SOS2: variants seen among roughly 807,000 people sequenced by gnomAD.
SOS2 encodes the protein SOS Ras/Rho guanine nucleotide exchange factor 2, also known as son of sevenless homolog 2.
Under a neutral mutation model 148.2 loss-of-function variants are expected in SOS2, and 65 were observed. That is an observed-to-expected ratio of 0.44 (90% CI 0.36 to 0.54). The LOEUF is 0.54. SOS2 is among the 20% of genes least tolerant of loss of function. The probability of loss-of-function intolerance (pLI) is 0.00; values close to 1 mark genes in which losing one functional copy is unlikely to be tolerated. For missense variants in SOS2, 1,341 were observed against 1,590.2 expected, an observed-to-expected ratio of 0.84 and a Z score of 2.67; for synonymous variants, 539 against 537.1, an observed-to-expected ratio of 1.00 and a Z score of -0.05.
intron 4 of SOS2, among the ~76,000 whole-genome samples, chr14:50,198,217 C>T (rs755193412): frequency 2.0e-5 from 3 of 151,930 alleles, no homozygotes; most frequent in Non-Finnish European, 4.4e-5. Context: ...GTCAGTCATA[C>T]TGTGGTAATG....
chr14:50,219,879 A>T (rs1416617057), intron 1 of SOS2, among the ~76,000 whole-genome samples: 2 of 151,872 alleles, frequency 1.3e-5, no homozygotes, highest in African/African-American at 4.8e-5. Context: ...TGGAGACAGA[A>T]TCTTGCTCTG....
At chr14:50,167,106 C>T (rs1885193283) in intron 8 of SOS2, among the ~76,000 whole-genome samples, 1 of 151,640 alleles carries the variant, frequency 6.6e-6, no homozygotes, top group South Asian at 2.1e-4. Context: ...TCTTTACGTG[C>T]TTTTTTAAAA....
intron 13 of SOS2, among the ~76,000 whole-genome samples, chr14:50,151,878 C>T (rs1884673392): frequency 6.6e-6 from 1 of 152,024 alleles, no homozygotes; most frequent in Non-Finnish European, 1.5e-5. Context: ...CACATGCCAC[C>T]ATGCTTGGCT....
chr14:50,211,835 A>G (rs1011436003), intron 1 of SOS2, among the ~76,000 whole-genome samples: 2 of 152,146 alleles, frequency 1.3e-5, no homozygotes, highest in African/African-American at 4.8e-5. Flanking sequence ...AGAAATGTTT[A>G]CCAGAAGACA....
At chr14:50,152,776 T>C (rs1266862088) in intron 13 of SOS2, among the ~76,000 whole-genome samples, 2 of 151,162 alleles carry the variant, frequency 1.3e-5, no homozygotes, top group African/African-American at 2.4e-5. Flanking sequence ...GGTCTTGTGG[T>C]GAATGTGGTG....
At chr14:50,193,701 A>G (rs1322166228) in intron 4 of SOS2, among the ~76,000 whole-genome samples, 1 of 152,034 alleles carries the variant, frequency 6.6e-6, no homozygotes, top group African/African-American at 2.4e-5. Flanking sequence ...CACATCATAC[A>G]ATCTCATTAC....
intron 6 of SOS2, among the ~76,000 whole-genome samples, chr14:50,181,020 G>A (rs1158483357): frequency 1.3e-5 from 2 of 152,006 alleles, no homozygotes; most frequent in Non-Finnish European, 2.9e-5. Flanking sequence ...TGAAGGGAAA[G>A]GGTGAAGAAA....
intron 3 of SOS2, 85 bp downstream of exon 3, chr14:50,200,868 G>A (rs566684152): frequency 2.3e-6 from 3 of 1,287,104 alleles, no homozygotes; most frequent in African/African-American, 3.0e-5. Flanking sequence ...CACAGACCAT[G>A]CTACATTAAT....
chr14:50,231,023 A>G, intron 1 of SOS2, 174 bp downstream of exon 1: 1 of 654,800 alleles, frequency 1.5e-6, no homozygotes, highest in African/African-American at 1.9e-5. Flanking sequence ...AAAAAAAAAA[A>G]ACTTGAGAAA....
At chr14:50,195,146 T>G (rs978758753) in intron 4 of SOS2, among the ~76,000 whole-genome samples, 6 of 152,136 alleles carry the variant, frequency 3.9e-5, no homozygotes, top group Non-Finnish European at 8.8e-5. Context: ...CCTAACATAA[T>G]GGTACTTCAT....
At chr14:50,148,134 G>A (rs1884549409) in intron 14 of SOS2, among the ~76,000 whole-genome samples, 1 of 152,090 alleles carries the variant, frequency 6.6e-6, no homozygotes, top group Non-Finnish European at 1.5e-5. Context: ...TTACAAAGCT[G>A]GGTGCAGTGG....
intron 8 of SOS2, among the ~76,000 whole-genome samples, chr14:50,166,331 T>C (rs1191246719): frequency 6.6e-6 from 1 of 152,114 alleles, no homozygotes; most frequent in Non-Finnish European, 1.5e-5. Flanking sequence ...CAAGCGATCC[T>C]CCTGCCTTAA....
At chr14:50,149,012 T>C (rs973407245) in intron 14 of SOS2, among the ~76,000 whole-genome samples, 2 of 152,150 alleles carry the variant, frequency 1.3e-5, no homozygotes, top group Non-Finnish European at 2.9e-5. Flanking sequence ...CTCAGCCTCC[T>C]GGGCAACTGG....
intron 21 of SOS2, among the ~76,000 whole-genome samples, chr14:50,127,295 C>T (rs760230421): frequency 3.9e-5 from 6 of 152,136 alleles, no homozygotes; most frequent in Non-Finnish European, 7.3e-5. Context: ...GCACACGCCA[C>T]TATGCCCAGC....
At chr14:50,219,957 T>C (rs1887151805) in intron 1 of SOS2, among the ~76,000 whole-genome samples, 1 of 151,892 alleles carries the variant, frequency 6.6e-6, no homozygotes, top group South Asian at 2.1e-4. Flanking sequence ...TGGGCTCAAG[T>C]GATCCTTCCA....
At chr14:50,129,460 C>T (rs749656115) in intron 21 of SOS2, among the ~76,000 whole-genome samples, 9 of 152,212 alleles carry the variant, frequency 5.9e-5, no homozygotes, top group Non-Finnish European at 1.2e-4. Flanking sequence ...TCTCAGCTCA[C>T]CACAACCTCT....
intron 2 of SOS2, among the ~76,000 whole-genome samples, chr14:50,201,289 T>G (rs867517170): frequency 6.6e-6 from 1 of 151,802 alleles, no homozygotes. Context: ...TCCCAACACT[T>G]TGGGAGGCTG....
chr14:50,179,495 C>T (rs1885660658), intron 7 of SOS2, among the ~76,000 whole-genome samples: 1 of 151,836 alleles, frequency 6.6e-6, no homozygotes. Context: ...AGCAATTCTC[C>T]TGGCATGCCA....
chr14:50,173,478 G>C (rs549883801), intron 8 of SOS2, among the ~76,000 whole-genome samples: 1 of 152,010 alleles, frequency 6.6e-6, no homozygotes, highest in Non-Finnish European at 1.5e-5. Flanking sequence ...CTGGAGTGCA[G>C]TGGCACAATC....
Sources: allele counts gnomAD v4.1 joint callset (sites outside exome capture counted in the v4.1 genomes callset), GRCh38; gene constraint gnomAD v4.1.1; transcripts MANE v1.5; gene names NCBI Gene and HGNC (gene_info 2026-07-23, HGNC 2026-07-21).